Variants in MSRA observed in about 807,000 individuals in gnomAD.
The protein encoded by MSRA is mitochondrial peptide methionine sulfoxide reductase.
MSRA carries 54 observed loss-of-function variants against 31.3 expected under a neutral mutation model. The observed-to-expected ratio is 1.73, with a 90% CI of 1.39 to 2.17. The LOEUF is 2.17. Ranked by LOEUF, MSRA falls within the 30% of genes most tolerant of loss-of-function variation. The pLI, the probability that MSRA is intolerant of heterozygous loss-of-function variation, is 0.00. For synonymous variants in MSRA, 169 were observed against 116.5 expected, an observed-to-expected ratio of 1.45 and a Z score of -2.90; for missense variants, 507 against 300.9, an observed-to-expected ratio of 1.69 and a Z score of -5.07.
chr8:10,281,551 C>T lies in MSRA; in HGVS notation c.332-19983C>T, dbSNP rs527562900. Among the ~76,000 whole-genome samples, 5 of 152,316 alleles carry T rather than the reference C, an allele frequency of 3.3e-5. 1 individual carries two copies. The South Asian group carries it at 1.0e-3, about 32-fold the overall frequency. ...GCAAAAGCAGAATCCTGAAACAATG[C>T]AAGTGCAGTGAACATAGGAGCCAGT... On this transcript the variant is annotated intron_variant, in intron 3 of 5. Transcript: ENST00000317173.
At chr8:10,165,756 G>A (rs560065476) in intron 1 of MSRA, among the ~76,000 whole-genome samples, 1 of 152,144 alleles carries the variant, frequency 6.6e-6, no homozygotes, top group Non-Finnish European at 1.5e-5. Flanking sequence ...TCTGCCAATT[G>A]GAGGCATTGC....
chr8:10,285,213 G>C (rs1039342726), intron 3 of MSRA, among the ~76,000 whole-genome samples: 1 of 152,044 alleles, frequency 6.6e-6, no homozygotes, highest in South Asian at 2.1e-4. Context: ...TTCTGCATCC[G>C]CCTTCTCCGA....
chr8:10,175,271 C>T (rs186714804), intron 1 of MSRA, among the ~76,000 whole-genome samples: 210 of 152,276 alleles, frequency 1.4e-3, no homozygotes, highest in African/African-American at 4.6e-3. Context: ...CCTCTAGAAT[C>T]GATAATCTCT....
intron 3 of MSRA, among the ~76,000 whole-genome samples, chr8:10,261,658 T>C (rs934292675): frequency 4.6e-5 from 7 of 152,236 alleles, no homozygotes; most frequent in African/African-American, 1.7e-4. Context: ...TTCTTGGCTA[T>C]TAACATCTTA....
chr8:10,067,267 T>G (rs956614086), intron 1 of MSRA, among the ~76,000 whole-genome samples: 1 of 152,230 alleles, frequency 6.6e-6, no homozygotes, highest in Non-Finnish European at 1.5e-5. Context: ...TATTTGGAAT[T>G]ATATAGTATA....
intron 1 of MSRA, among the ~76,000 whole-genome samples, chr8:10,082,808 A>C (rs1798361298): frequency 6.6e-6 from 1 of 152,160 alleles, no homozygotes; most frequent in African/African-American, 2.4e-5. Flanking sequence ...TGAAGGGGGC[A>C]CTGTGTTCAC....
At chr8:10,317,250 C>A (rs1331759831) in intron 4 of MSRA, among the ~76,000 whole-genome samples, 1 of 152,206 alleles carries the variant, frequency 6.6e-6, no homozygotes, top group East Asian at 1.9e-4. Context: ...GATCACCTAG[C>A]AACAACTCTT....
At chr8:10,267,860 A>C (rs1359907791) in intron 3 of MSRA, among the ~76,000 whole-genome samples, 1 of 152,168 alleles carries the variant, frequency 6.6e-6, no homozygotes, top group East Asian at 1.9e-4. Flanking sequence ...TATGTGGAAA[A>C]AATGACTTGC....
Position 10,366,847 on chromosome 8 carries a change from G to T in MSRA, c.543+46858G>T, listed in dbSNP as rs1319752587. Among the ~76,000 whole-genome samples the T allele has an allele frequency of 3.3e-5, 5 of 152,076 alleles. No homozygotes were observed. In the East Asian group the frequency reaches 9.6e-4, roughly 29 times the overall value. On this transcript the variant is annotated intron_variant, in intron 5 of 5. Coordinates refer to ENST00000317173, the MANE Select transcript of MSRA (RefSeq NM_012331.5). The stretch of plus-strand genomic sequence containing the variant: ...GACGTAGGACTTAACTGGTTGTGCT[G>T]ACCACCAGACCCAAGGCTGCCAGAC...
chr8:10,073,101 A>G (rs1452379966), intron 1 of MSRA, among the ~76,000 whole-genome samples: 1 of 152,092 alleles, frequency 6.6e-6, no homozygotes, highest in East Asian at 1.9e-4. Context: ...TAGAACTTCC[A>G]GTATTATGTT....
intron 1 of MSRA, among the ~76,000 whole-genome samples, chr8:10,143,161 C>G (rs1187113644): frequency 6.6e-6 from 1 of 152,132 alleles, no homozygotes; most frequent in East Asian, 1.9e-4. Context: ...GGTTTGTCCT[C>G]TTCTTTCACG....
At chr8:10,344,097 C>A (rs368453846) in intron 5 of MSRA, among the ~76,000 whole-genome samples, 25 of 152,276 alleles carry the variant, frequency 1.6e-4, no homozygotes, top group Middle Eastern at 3.4e-3. Context: ...TGGAGCTTCT[C>A]CCTCTTGCTA....
intron 5 of MSRA, among the ~76,000 whole-genome samples, chr8:10,327,280 A>T (rs1397838825): frequency 6.6e-6 from 1 of 152,096 alleles, no homozygotes; most frequent in Non-Finnish European, 1.5e-5. Flanking sequence ...ACCTGTCCCT[A>T]TCATCAGTAT....
intron 5 of MSRA, among the ~76,000 whole-genome samples, chr8:10,370,117 T>C (rs529214068): frequency 6.6e-6 from 1 of 152,258 alleles, no homozygotes; most frequent in Non-Finnish European, 1.5e-5. Flanking sequence ...GTCTCGTGTT[T>C]TGCAGCTGCA....
chr8:10,118,856 G>C (rs369110006), intron 1 of MSRA, among the ~76,000 whole-genome samples: 1 of 152,156 alleles, frequency 6.6e-6, no homozygotes, highest in African/African-American at 2.4e-5. Flanking sequence ...AGAACATGTA[G>C]GATACAGGGG....
chr8:10,293,973 G>A (rs1800391343), intron 3 of MSRA, among the ~76,000 whole-genome samples: 1 of 152,172 alleles, frequency 6.6e-6, no homozygotes, highest in Non-Finnish European at 1.5e-5. Context: ...AAAGGCCGAG[G>A]TGGGAGGATC....
chr8:10,333,311 C>G (rs186238124), intron 5 of MSRA, among the ~76,000 whole-genome samples: 1 of 152,240 alleles, frequency 6.6e-6, no homozygotes, highest in Admixed American at 6.5e-5. Flanking sequence ...TCTTTTAAAT[C>G]TCAGTTATGT....
intron 1 of MSRA, among the ~76,000 whole-genome samples, chr8:10,072,581 TC>T (rs1797789986): frequency 6.6e-6 from 1 of 152,190 alleles, no homozygotes; most frequent in African/African-American, 2.4e-5. Context: ...TTTTAGCTGT[TC>T]TAAGGTCTGT....
chr8:10,169,555 G>A (rs1285018679), intron 1 of MSRA, among the ~76,000 whole-genome samples: 2 of 152,178 alleles, frequency 1.3e-5, no homozygotes, highest in Admixed American at 6.5e-5. Flanking sequence ...GTGACTTTGT[G>A]TTAGGCAAGT....
Sources: gnomAD v4.1 joint callset for allele counts (sites outside exome capture counted in the v4.1 genomes callset) on GRCh38, gnomAD v4.1.1 for gene constraint, MANE v1.5 for transcripts, NCBI Gene and HGNC (gene_info 2026-07-23, HGNC 2026-07-21) for gene names.